The following NRG3 variants were observed in gnomAD, a reference collection of about 807,000 sequenced individuals.
The protein encoded by NRG3 is neuregulin 3.
In NRG3, 31 loss-of-function variants were observed where a neutral mutation model predicts 66.9. That is an observed-to-expected ratio of 0.46 (90% CI 0.35 to 0.63). NRG3 has a LOEUF of 0.63. Ranked by LOEUF, NRG3 falls within the 20% of genes least tolerant of loss-of-function variation. The pLI is 0.00. For synonymous variants in NRG3, 393 were observed against 359.4 expected (o/e 1.09, Z -1.06); for missense variants, 910 against 878.9 (o/e 1.04, Z -0.45).
At chr10:82,007,514 C>A (rs1411965550) in intron 1 of NRG3, among the ~76,000 whole-genome samples, 6 of 152,024 alleles carry the variant, frequency 3.9e-5, no homozygotes, top group Non-Finnish European at 8.8e-5. Flanking sequence ...GGCCTAAAAT[C>A]AAATTTTCTA....
At chr10:81,876,402 C>G (rs1445393420) in intron 1 of NRG3, among the ~76,000 whole-genome samples, 1 of 152,130 alleles carries the variant, frequency 6.6e-6, no homozygotes, top group Non-Finnish European at 1.5e-5. Flanking sequence ...CCACTGGCCC[C>G]ACTTTAGCGG....
intron 2 of NRG3, among the ~76,000 whole-genome samples, chr10:82,380,337 T>C (rs2085532924): frequency 6.6e-6 from 1 of 152,132 alleles, no homozygotes; most frequent in Non-Finnish European, 1.5e-5. Context: ...TTGGAACTTA[T>C]TCACAAAAAA....
At chr10:82,299,472 A>G (rs2080263586) in intron 1 of NRG3, among the ~76,000 whole-genome samples, 2 of 152,112 alleles carry the variant, frequency 1.3e-5, no homozygotes, top group South Asian at 4.1e-4. Flanking sequence ...ATCCATGAGC[A>G]CAAAATCCAC....
chr10:82,951,330 C>A (rs1849495253), intron 4 of NRG3, 139 bp from the exon 5 acceptor site: 2 of 607,752 alleles, frequency 3.3e-6, no homozygotes, highest in South Asian at 2.0e-5. Context: ...ATAATAAGTT[C>A]CTTGTTTTTT....
intron 4 of NRG3, among the ~76,000 whole-genome samples, chr10:82,906,640 T>C (rs1279520439): frequency 6.6e-6 from 1 of 152,154 alleles, no homozygotes. Context: ...ACATGTCCAG[T>C]AGGAAAAAAG....
chr10:82,274,894 A>G (rs1353569353), intron 1 of NRG3, among the ~76,000 whole-genome samples: 2 of 151,824 alleles, frequency 1.3e-5, no homozygotes, highest in Non-Finnish European at 1.5e-5. Context: ...AAAGCACCCA[A>G]CTAGAAAGGG....
At chr10:82,463,600 A>G (rs1199226439) in intron 2 of NRG3, among the ~76,000 whole-genome samples, 1 of 152,202 alleles carries the variant, frequency 6.6e-6, no homozygotes, top group Non-Finnish European at 1.5e-5. Context: ...AAAGGAGCTA[A>G]CTAACATTAA....
At chr10:82,079,864 C>T (rs75029600) in intron 1 of NRG3, among the ~76,000 whole-genome samples, 6 of 152,098 alleles carry the variant, frequency 3.9e-5, no homozygotes, top group Admixed American at 2.0e-4. Flanking sequence ...ATCTGGATTC[C>T]GACTGAAGGA....
chr10:81,988,986 A>G (rs115834793), intron 1 of NRG3, among the ~76,000 whole-genome samples: 1,973 of 152,200 alleles, frequency 0.013, 20 homozygotes, highest in African/African-American at 0.03. Flanking sequence ...GAAGTAACGC[A>G]AGTGAGGCAT....
intron 2 of NRG3, among the ~76,000 whole-genome samples, chr10:82,636,301 T>A (rs191114126): frequency 1.3e-5 from 2 of 151,846 alleles, no homozygotes; most frequent in Admixed American, 1.3e-4. Flanking sequence ...CATTCCTTAG[T>A]TCTGTCAGGT....
intron 2 of NRG3, among the ~76,000 whole-genome samples, chr10:82,472,276 T>G (rs535798125): frequency 1.3e-5 from 2 of 152,296 alleles, no homozygotes; most frequent in East Asian, 3.9e-4. Context: ...GCCTATTCCA[T>G]GTAGAAGCAG....
intron 2 of NRG3, among the ~76,000 whole-genome samples, chr10:82,462,942 C>T (rs756980242): frequency 5.8e-4 from 89 of 152,148 alleles, no homozygotes; most frequent in Middle Eastern, 3.4e-3. Flanking sequence ...AGAAAAGAGC[C>T]AGGGAGATAT....
intron 2 of NRG3, among the ~76,000 whole-genome samples, chr10:82,592,899 A>G (rs1275402719): frequency 1.3e-5 from 2 of 152,278 alleles, no homozygotes; most frequent in East Asian, 3.9e-4. Flanking sequence ...TTCCTTTCTA[A>G]TGCTTGGGTG....
In NRG3 at chr10:82,321,654, A is replaced by G. The variant is rs1409772922; in HGVS notation, c.824-37085A>G. Among the ~76,000 whole-genome samples, 5 of 152,178 alleles carry G rather than the reference A, an allele frequency of 3.3e-5. No individual in the cohort carries two copies. In the South Asian group the frequency reaches 8.3e-4, roughly 25 times the overall value. ...ATTTCCTCGGCTATTCTATAGTTGTATGTTATAAGGAGACCTTAAAATAAA... is the reference window on the plus strand; with the variant it reads ...ATTTCCTCGGCTATTCTATAGTTGTGTGTTATAAGGAGACCTTAAAATAAA... On this transcript the variant is annotated intron_variant, in intron 1 of 8. Transcript: ENST00000372141.
At chr10:82,132,787 A>G (rs1036809565) in intron 1 of NRG3, among the ~76,000 whole-genome samples, 1 of 150,966 alleles carries the variant, frequency 6.6e-6, no homozygotes, top group Non-Finnish European at 1.5e-5. Context: ...GGATTTCTTC[A>G]TGTTTCAATC....
chr10:81,901,047 ACTCT>A (rs1197656550), intron 1 of NRG3, among the ~76,000 whole-genome samples: 1 of 152,176 alleles, frequency 6.6e-6, no homozygotes, highest in Non-Finnish European at 1.5e-5. Flanking sequence ...ACAATTCCCT[ACTCT>A]CTCTCCTTTT....
intron 3 of NRG3, among the ~76,000 whole-genome samples, chr10:82,818,400 A>G (rs1252190004): frequency 6.6e-6 from 1 of 152,116 alleles, no homozygotes; most frequent in East Asian, 1.9e-4. Context: ...GAGGGATCAG[A>G]CCATTGCAGG....
intron 3 of NRG3, among the ~76,000 whole-genome samples, chr10:82,788,081 A>G (rs1328646403): frequency 2.0e-5 from 3 of 152,202 alleles, no homozygotes; most frequent in African/African-American, 4.8e-5. Context: ...TGTACTTCAT[A>G]TATTTTATTT....
intron 2 of NRG3, among the ~76,000 whole-genome samples, chr10:82,549,810 T>C (rs1426345563): frequency 6.6e-6 from 1 of 151,548 alleles, no homozygotes; most frequent in Non-Finnish European, 1.5e-5. Context: ...AGGTGATGCT[T>C]GGGTGCCAAT....
Sources: allele counts gnomAD v4.1 joint callset (sites outside exome capture counted in the v4.1 genomes callset), GRCh38; gene constraint gnomAD v4.1.1; transcripts MANE v1.5; gene names NCBI Gene and HGNC (gene_info 2026-07-23, HGNC 2026-07-21).